HPCAL1: variants seen among roughly 807,000 people sequenced by gnomAD.
The protein encoded by HPCAL1 is hippocalcin like 1.
A neutral mutation model predicts 17.1 loss-of-function variants in HPCAL1; 8 were observed. That is an observed-to-expected ratio of 0.47 (90% confidence interval 0.27 to 0.84). The LOEUF is 0.84. Ranked by LOEUF, HPCAL1 falls within the 40% of genes least tolerant of loss-of-function variation. The pLI, the probability that HPCAL1 is intolerant of heterozygous loss-of-function variation, is 0.13. For synonymous variants in HPCAL1, 112 were observed against 111.4 expected (o/e 1.01, Z -0.03); for missense variants, 165 against 271.1 (o/e 0.61, Z 2.75).
intron 2 of HPCAL1, among the ~76,000 whole-genome samples, chr2:10,410,120 T>C (rs1222690490): frequency 6.6e-6 from 1 of 152,118 alleles, no homozygotes; most frequent in East Asian, 1.9e-4. Flanking sequence ...ATTTGGTGTT[T>C]CCCACCTCTC....
chr2:10,315,255 T>C (rs962727275), intron 1 of HPCAL1, among the ~76,000 whole-genome samples: 1 of 149,576 alleles, frequency 6.7e-6, no homozygotes, highest in Non-Finnish European at 1.5e-5. Flanking sequence ...ATCGCGCCAC[T>C]GCACTCCAGC....
chr2:10,307,114 TG>T (rs1350251637), intron 1 of HPCAL1, among the ~76,000 whole-genome samples: 12 of 151,248 alleles, frequency 7.9e-5, no homozygotes, highest in Non-Finnish European at 1.8e-4. Flanking sequence ...GCCCCACCTG[TG>T]GCATGAGACA....
rs1232219302 is a variant in HPCAL1 at position 10,384,058 on chromosome 2, C to A, written c.-110-12777C>A. Among the ~76,000 whole-genome samples the A allele has an allele frequency of 6.6e-6, 1 of 152,028 alleles. No homozygotes were observed. The highest frequency in any genetic ancestry group is 2.4e-5 in the African/African-American group (1 of 41,340). ...ACACACACACACCTTTTGCTGGTGGCTCTGGATTGGTAAGCTGGCTCCATG... is the reference window on the plus strand; with the variant it reads ...ACACACACACACCTTTTGCTGGTGGATCTGGATTGGTAAGCTGGCTCCATG... On this transcript the variant is annotated intron_variant, in intron 1 of 4. Transcript: ENST00000307845. This position sits in a 1 kb window ranked among gnomAD's most constrained non-coding sequence, Gnocchi z 4.4.
intron 2 of HPCAL1, among the ~76,000 whole-genome samples, chr2:10,405,841 C>G (rs1669935121): frequency 6.6e-6 from 1 of 152,226 alleles, no homozygotes; most frequent in South Asian, 2.1e-4. Flanking sequence ...GCCTCAGTAT[C>G]TCCAGCCTGC....
chr2:10,339,162 A>AT lies in HPCAL1; in HGVS notation c.-111+35993dup, dbSNP rs538654732. Among the ~76,000 whole-genome samples, 64 of 151,902 alleles carry AT rather than the reference A, an allele frequency of 4.2e-4. 1 individual carries two copies. Among genetic ancestry groups the AT allele is most frequent in the African/African-American group, 1.5e-3 (61 of 41,392 alleles). On this transcript the variant is annotated intron_variant, in intron 1 of 4. Coordinates refer to ENST00000307845, the MANE Select transcript of HPCAL1 (RefSeq NM_002149.4). ...TGTTTTATGTATATTTGAAAAAAAA[A>AT]TTTTTTTTGAGATAGGGTCTCGCTG...
chr2:10,400,307 C>G (rs1423649951), intron 2 of HPCAL1, among the ~76,000 whole-genome samples: 1 of 152,234 alleles, frequency 6.6e-6, no homozygotes, highest in Non-Finnish European at 1.5e-5. Flanking sequence ...GCCAGACCCC[C>G]ACCATACGGC....
At chr2:10,412,650 G>A (rs1273174515) in intron 2 of HPCAL1, among the ~76,000 whole-genome samples, 1 of 152,222 alleles carries the variant, frequency 6.6e-6, no homozygotes, top group African/African-American at 2.4e-5. Context: ...TGGAAGAAAA[G>A]GCAATAGAGT....
At chr2:10,333,595 T>C (rs1244948789) in intron 1 of HPCAL1, among the ~76,000 whole-genome samples, 1 of 152,240 alleles carries the variant, frequency 6.6e-6, no homozygotes, top group Non-Finnish European at 1.5e-5. Context: ...TGGTGTGCTT[T>C]GGTGTTCAGC....
intron 1 of HPCAL1, among the ~76,000 whole-genome samples, chr2:10,386,516 C>T (rs1014545368): frequency 6.6e-6 from 1 of 152,136 alleles, no homozygotes; most frequent in Non-Finnish European, 1.5e-5. Flanking sequence ...CAGGTAAGCC[C>T]TCCCAAGTGG....
At chr2:10,422,896 T>C in intron 3 of HPCAL1, 87 bp from the exon 4 acceptor site, 1 of 894,142 alleles carries the variant, frequency 1.1e-6, no homozygotes, top group South Asian at 1.5e-5. Context: ...CTCCGAGCCT[T>C]GTTGTGGGCT....
chr2:10,394,707 G>A lies in HPCAL1; in HGVS notation c.-110-2128G>A, dbSNP rs548439114. Among the ~76,000 whole-genome samples, 179 of 152,348 alleles carry A rather than the reference G, an allele frequency of 1.2e-3. 2 individuals carry two copies. Among genetic ancestry groups the A allele is most frequent in the South Asian group, 0.011 (54 of 4,828 alleles). On this transcript the variant is annotated intron_variant, in intron 1 of 4. Coordinates refer to ENST00000307845, the MANE Select transcript of HPCAL1 (RefSeq NM_002149.4). This position sits in a 1 kb window ranked among gnomAD's most constrained non-coding sequence, Gnocchi z 5.0. The stretch of plus-strand genomic sequence containing the variant: ...CCTGCTCTGGCAGGGGATGTGGATC[G>A]TGGGGAAGGCTGTGGCCGGGAGTGG...
intron 1 of HPCAL1, among the ~76,000 whole-genome samples, chr2:10,370,731 G>C (rs10929656): frequency 1.9e-4 from 29 of 152,164 alleles, no homozygotes; most frequent in Non-Finnish European, 4.1e-4. Context: ...AGGTGTACCA[G>C]CTTTTGGAAA....
chr2:10,373,604 A>C (rs946330280), intron 1 of HPCAL1, among the ~76,000 whole-genome samples: 1 of 151,838 alleles, frequency 6.6e-6, no homozygotes, highest in Non-Finnish European at 1.5e-5. Context: ...TTTATGTTTC[A>C]GAATTCTAAG....
At chr2:10,399,423 A>G (rs1268236618) in intron 2 of HPCAL1, among the ~76,000 whole-genome samples, 1 of 83,934 alleles carries the variant, frequency 1.2e-5, no homozygotes, top group African/African-American at 6.4e-5. Flanking sequence ...CACCACCACC[A>G]TCACCACCAC....
intron 1 of HPCAL1, among the ~76,000 whole-genome samples, chr2:10,380,895 G>T (rs1310561832): frequency 1.3e-5 from 2 of 152,230 alleles, no homozygotes; most frequent in Admixed American, 1.3e-4. Context: ...TCTTAGGATG[G>T]TGACTGGCAC....
At chr2:10,426,672 G>A in intron 4 of HPCAL1, 52 bp from the exon 5 acceptor site, 7 of 1,416,488 alleles carry the variant, frequency 4.9e-6, no homozygotes, top group South Asian at 2.3e-5. Context: ...CTCTCTGGAA[G>A]CATAAAGAAC....
chr2:10,422,946 G>T, intron 3 of HPCAL1, 37 bp from the exon 4 acceptor site: 1 of 1,480,374 alleles, frequency 6.8e-7, no homozygotes, highest in Non-Finnish European at 9.4e-7. Flanking sequence ...CCAAGCCCCC[G>T]GGCCTCTGAG....
intron 1 of HPCAL1, among the ~76,000 whole-genome samples, chr2:10,340,728 A>C (rs540117937): frequency 1.3e-5 from 2 of 152,214 alleles, no homozygotes; most frequent in South Asian, 4.2e-4. Context: ...ATCCCTAAGC[A>C]CTGTTGGAGA....
rs113106482 is a variant in HPCAL1 at position 10,358,949 on chromosome 2, C to T, written c.-110-37886C>T. On this transcript the variant is annotated intron_variant, in intron 1 of 4. Coordinates refer to ENST00000307845, the MANE Select transcript of HPCAL1 (RefSeq NM_002149.4). ...CTAAAAGAGCACCCTGAATGCCCACCGGGGCTTCAGCTGTAAACATTCACT... is the reference window on the plus strand; with the variant it reads ...CTAAAAGAGCACCCTGAATGCCCACTGGGGCTTCAGCTGTAAACATTCACT... Among the ~76,000 whole-genome samples the T allele has an allele frequency of 1.2e-3, 178 of 152,220 alleles. 1 individual carries two copies. Among genetic ancestry groups the T allele is most frequent in the African/African-American group, 4.0e-3 (166 of 41,518 alleles).
Sources: gnomAD v4.1 joint callset for allele counts (sites outside exome capture counted in the v4.1 genomes callset) on GRCh38, gnomAD v4.1.1 for gene constraint, Gnocchi (gnomAD v3.1) non-coding constraint, MANE v1.5 for transcripts, NCBI Gene and HGNC (gene_info 2026-07-23, HGNC 2026-07-21) for gene names.